CALN1: variants seen among roughly 807,000 people sequenced by gnomAD.
CALN1 encodes calneuron 1.
Under a neutral mutation model 30.6 loss-of-function variants are expected in CALN1, and 17 were observed. The ratio of observed to expected loss-of-function variants is 0.56; its 90% CI spans 0.38 to 0.83. The LOEUF (loss-of-function observed/expected upper bound fraction) is 0.83, where lower values mean the gene tolerates loss of function less well. Ranked by LOEUF, CALN1 falls within the 40% of genes least tolerant of loss-of-function variation. CALN1 has a pLI of 0.00. For missense variants in CALN1, 291 were observed against 354.9 expected, an observed-to-expected ratio of 0.82 and a Z score of 1.45; for synonymous variants, 156 against 131.4, an observed-to-expected ratio of 1.19 and a Z score of -1.28.
At chr7:72,400,645 G>C (rs1806279590) in intron 2 of CALN1, among the ~76,000 whole-genome samples, 1 of 152,180 alleles carries the variant, frequency 6.6e-6, no homozygotes. Flanking sequence ...CAAGGCAGGT[G>C]TATCACTTGA....
chr7:72,232,311 A>G (rs948041306), intron 3 of CALN1, among the ~76,000 whole-genome samples: 1 of 152,196 alleles, frequency 6.6e-6, no homozygotes, highest in Non-Finnish European at 1.5e-5. Context: ...CGGGAAGAAG[A>G]CAACTAATTG....
chr7:72,399,374 G>C (rs1280028908), intron 2 of CALN1, among the ~76,000 whole-genome samples: 1 of 143,164 alleles, frequency 7.0e-6, no homozygotes, highest in Non-Finnish European at 1.5e-5. Flanking sequence ...AGGTTCAAGC[G>C]ATTCTCCTGC....
At chr7:72,427,152 T>G (rs991720078) in intron 1 of CALN1, among the ~76,000 whole-genome samples, 6 of 152,080 alleles carry the variant, frequency 3.9e-5, no homozygotes. Flanking sequence ...CTGACTAATT[T>G]TAAAAAATTA....
At chr7:72,281,938 T>C (rs935214381) in intron 2 of CALN1, among the ~76,000 whole-genome samples, 35 of 152,002 alleles carry the variant, frequency 2.3e-4, no homozygotes, top group African/African-American at 6.3e-4. Context: ...AATTTGCTTC[T>C]GAAAAAAAAA....
chr7:72,173,523 G>C (rs1362539548), intron 3 of CALN1, among the ~76,000 whole-genome samples: 1 of 152,132 alleles, frequency 6.6e-6, no homozygotes, highest in Non-Finnish European at 1.5e-5. Flanking sequence ...AAAGAACAAA[G>C]TGAAAAGGAC....
chr7:72,387,031 G>A (rs941393242), intron 2 of CALN1, among the ~76,000 whole-genome samples: 1 of 151,500 alleles, frequency 6.6e-6, no homozygotes, highest in Non-Finnish European at 1.5e-5. Flanking sequence ...TTCAGTGCCA[G>A]AAAGAAAGTT....
At chr7:72,424,300 C>T (rs1460866180) in intron 1 of CALN1, among the ~76,000 whole-genome samples, 1 of 152,142 alleles carries the variant, frequency 6.6e-6, no homozygotes, top group East Asian at 1.9e-4. Flanking sequence ...ATGAGGACTT[C>T]CAGTTACTTA....
intron 2 of CALN1, among the ~76,000 whole-genome samples, chr7:72,287,682 G>A (rs1167078887): frequency 2.6e-5 from 4 of 151,978 alleles, no homozygotes; most frequent in Non-Finnish European, 4.4e-5. Context: ...TCCTGACCTC[G>A]TGATCCACCT....
At chr7:71,937,391 T>G (rs1251667370) in intron 5 of CALN1, among the ~76,000 whole-genome samples, 1 of 151,310 alleles carries the variant, frequency 6.6e-6, no homozygotes, top group Non-Finnish European at 1.5e-5. Flanking sequence ...AATATGTATA[T>G]ATGTATTTAC....
intron 6 of CALN1, among the ~76,000 whole-genome samples, chr7:71,802,317 C>G (rs1407635657): frequency 6.6e-6 from 1 of 152,138 alleles, no homozygotes; most frequent in African/African-American, 2.4e-5. Context: ...AGCTTATGAT[C>G]TCTAAAACCA....
intron 2 of CALN1, among the ~76,000 whole-genome samples, chr7:72,310,584 G>T (rs1046882091): frequency 1.3e-5 from 2 of 151,790 alleles, no homozygotes; most frequent in African/African-American, 4.8e-5. Context: ...GTGGACACTT[G>T]ATGCATCTGG....
intron 2 of CALN1, chr7:72,337,331 C>A (rs1037488830): frequency 1.4e-4 from 136 of 960,910 alleles, no homozygotes; most frequent in Non-Finnish European, 1.6e-4. Context: ...GGAGCCCCCA[C>A]CCCCCAACCT....
At chr7:72,245,541 C>T (rs977106845) in intron 3 of CALN1, among the ~76,000 whole-genome samples, 4 of 150,946 alleles carry the variant, frequency 2.6e-5, no homozygotes, top group Admixed American at 2.0e-4. Flanking sequence ...ATCACTTGAC[C>T]TGGGAGGCAG....
At chr7:71,864,042 T>G (rs1262646369) in intron 5 of CALN1, among the ~76,000 whole-genome samples, 1 of 152,226 alleles carries the variant, frequency 6.6e-6, no homozygotes, top group Non-Finnish European at 1.5e-5. Flanking sequence ...GCTTTGTTCT[T>G]TACAGATTCT....
intron 3 of CALN1, among the ~76,000 whole-genome samples, chr7:72,198,014 T>C (rs1489821925): frequency 6.6e-6 from 1 of 152,120 alleles, no homozygotes; most frequent in Non-Finnish European, 1.5e-5. Context: ...AAAAAAAAGG[T>C]TCATTCCCTC....
chr7:72,430,241 T>C (rs1322688708), intron 1 of CALN1, among the ~76,000 whole-genome samples: 2 of 148,104 alleles, frequency 1.4e-5, no homozygotes, highest in Non-Finnish European at 3.0e-5. Flanking sequence ...TATTTACACA[T>C]AATAATTATA....
chr7:72,491,117 G>A, the CALN1 span, among the ~76,000 whole-genome samples: 8 of 151,982 alleles, frequency 5.3e-5, no homozygotes, highest in East Asian at 1.9e-4. Flanking sequence ...GGTGGCAGGC[G>A]CCTGTAGTCC....
chr7:72,342,882 T>C (rs1047884035), intron 2 of CALN1, among the ~76,000 whole-genome samples: 2 of 152,126 alleles, frequency 1.3e-5, no homozygotes, highest in Non-Finnish European at 1.5e-5. Context: ...AAAAAATACA[T>C]GTTGGAAGGT....
At chr7:72,191,344 G>A (rs1790585240) in intron 3 of CALN1, among the ~76,000 whole-genome samples, 1 of 152,084 alleles carries the variant, frequency 6.6e-6, no homozygotes, top group African/African-American at 2.4e-5. Flanking sequence ...GCTCACGACT[G>A]TAATTTCCAC....
Sources: allele counts gnomAD v4.1 joint callset (sites outside exome capture counted in the v4.1 genomes callset), GRCh38; gene constraint gnomAD v4.1.1; transcripts MANE v1.5; gene names NCBI Gene and HGNC (gene_info 2026-07-23, HGNC 2026-07-21).